EPHB1: variants seen among roughly 807,000 people sequenced by gnomAD.
EPHB1 encodes ephrin type-B receptor 1.
EPHB1 carries 30 observed loss-of-function variants against 94.4 expected under a neutral mutation model. The observed-to-expected ratio is 0.32, with a 90% CI of 0.24 to 0.43. The LOEUF is 0.43. EPHB1 is among the 20% of genes least tolerant of loss of function. The probability of loss-of-function intolerance (pLI) is 1.00; values close to 1 mark genes in which losing one functional copy is unlikely to be tolerated. For missense variants in EPHB1, 1,055 were observed against 1,308.3 expected (o/e 0.81, Z 2.99); for synonymous variants, 522 against 489.1 (o/e 1.07, Z -0.89).
intron 3 of EPHB1, among the ~76,000 whole-genome samples, chr3:135,055,954 C>T (rs1274966806): frequency 1.3e-5 from 2 of 152,156 alleles, no homozygotes; most frequent in Non-Finnish European, 2.9e-5. Flanking sequence ...TTTACCTGGG[C>T]TCTCTTCCAC....
At chr3:134,979,915 T>C (rs1934342268) in intron 3 of EPHB1, among the ~76,000 whole-genome samples, 1 of 152,180 alleles carries the variant, frequency 6.6e-6, no homozygotes, top group African/African-American at 2.4e-5. Context: ...TCAGTTTTTT[T>C]TGTTGTTGTT....
chr3:134,945,095 TC>T (rs2039191760), intron 2 of EPHB1, among the ~76,000 whole-genome samples: 1 of 152,236 alleles, frequency 6.6e-6, no homozygotes, highest in Non-Finnish European at 1.5e-5. Flanking sequence ...TGCCCAATTT[TC>T]TATCTTGTTA....
At chr3:134,935,176 A>G (rs1478176820) in intron 2 of EPHB1, among the ~76,000 whole-genome samples, 2 of 152,234 alleles carry the variant, frequency 1.3e-5, no homozygotes, top group Admixed American at 6.5e-5. Context: ...GAGGAGGGTC[A>G]GCATTGCCCT....
At chr3:135,052,890 A>AAAAAAATATAT (rs1553726757) in intron 3 of EPHB1, among the ~76,000 whole-genome samples, 2 of 54,620 alleles carry the variant, frequency 3.7e-5, no homozygotes, top group African/African-American at 1.1e-4. Context: ...AAAAAAAAAA[A>AAAAAAATATAT]ATATATATAT....
At chr3:135,053,568 C>T (rs1189023832) in intron 3 of EPHB1, among the ~76,000 whole-genome samples, 2 of 152,104 alleles carry the variant, frequency 1.3e-5, no homozygotes, top group Non-Finnish European at 2.9e-5. Flanking sequence ...CTTAGCATAT[C>T]AATAGTTGTT....
In EPHB1 at chr3:134,973,456, A is replaced by C. The variant is rs78212193; in HGVS notation, c.805+21404A>C. Among the ~76,000 whole-genome samples the C allele has an allele frequency of 3.5e-5, 4 of 112,860 alleles. No individual in the cohort carries two copies. The East Asian group carries it at 1.0e-3, about 29-fold the overall frequency. The allele number at this position is 112,860 out of a possible 152,430, so 74.0% of individuals were successfully genotyped here. ...TTTTTTTTTTTTTTTTTTGAGATAG[A>C]GTCTCACTCCCGTTGCTCAGGCTGG... On this transcript the variant is annotated intron_variant, in intron 3 of 15. Coordinates refer to ENST00000398015, the MANE Select transcript of EPHB1 (RefSeq NM_004441.5).
chr3:135,079,286 AC>A (rs930018142), intron 3 of EPHB1, among the ~76,000 whole-genome samples: 14 of 152,352 alleles, frequency 9.2e-5, no homozygotes, highest in Admixed American at 8.5e-4. Context: ...GCCTATGCCT[AC>A]ATCCAAATGG....
At chr3:134,846,882 A>G (rs748980227) in intron 1 of EPHB1, among the ~76,000 whole-genome samples, 30 of 152,138 alleles carry the variant, frequency 2.0e-4, no homozygotes, top group Non-Finnish European at 1.5e-4. Flanking sequence ...CAAGGCAAAA[A>G]CAAAAGAATC....
chr3:134,941,296 A>G (rs2039111612), intron 2 of EPHB1, among the ~76,000 whole-genome samples: 1 of 149,856 alleles, frequency 6.7e-6, no homozygotes, highest in Non-Finnish European at 1.5e-5. Flanking sequence ...GACCAGTAAT[A>G]TTATTTCTTA....
In EPHB1 at chr3:135,154,148, A is replaced by G. The variant is rs748101301; in HGVS notation, c.1298-4A>G. 11 of 1,613,786 alleles carry G rather than the reference A, an allele frequency of 6.8e-6. No homozygotes were observed. The South Asian group carries it at 1.2e-4, about 18-fold the overall frequency. On this transcript the variant is annotated splice_region_variant and splice_polypyrimidine_tract_variant and intron_variant, in intron 5 of 15. Transcript: ENST00000398015. Reference sequence around the variant, plus strand: ...AGCTACCCTGTTTCTTTCTCTCTCCACAGCCCCCTCCACCGTTCCCATCAT... The same window carrying G: ...AGCTACCCTGTTTCTTTCTCTCTCCGCAGCCCCCTCCACCGTTCCCATCAT...
intron 2 of EPHB1, among the ~76,000 whole-genome samples, chr3:134,935,926 C>A (rs763059584): frequency 1.6e-4 from 25 of 152,174 alleles, no homozygotes; most frequent in Non-Finnish European, 2.8e-4. Flanking sequence ...CTCACTGGGA[C>A]CCTGCAAGGA....
intron 2 of EPHB1, among the ~76,000 whole-genome samples, chr3:134,934,885 G>A (rs545100995): frequency 6.6e-6 from 1 of 152,262 alleles, no homozygotes; most frequent in South Asian, 2.1e-4. Flanking sequence ...ACAGACTCTG[G>A]GAGGGAATTC....
At chr3:135,130,021 G>A (rs1404578) in intron 4 of EPHB1, among the ~76,000 whole-genome samples, 151,935 of 152,308 alleles carry the variant, frequency 1, 75,782 homozygotes, top group Non-Finnish European at 1. Flanking sequence ...ATTTTGGATA[G>A]TCAGGAAGCA....
intron 1 of EPHB1, chr3:134,852,730 A>T (rs1472385870): frequency 6.6e-6 from 1 of 152,070 alleles, no homozygotes; most frequent in African/African-American, 2.4e-5. Flanking sequence ...ATACATACTT[A>T]TGCAACCTAA....
intron 1 of EPHB1, among the ~76,000 whole-genome samples, chr3:134,902,798 C>T (rs2038229869): frequency 6.6e-6 from 1 of 152,212 alleles, no homozygotes; most frequent in East Asian, 1.9e-4. Flanking sequence ...TGAGTGTCAG[C>T]AGCCTCAGGC....
chr3:135,054,227 A>C (rs974233801), intron 3 of EPHB1, among the ~76,000 whole-genome samples: 4 of 151,992 alleles, frequency 2.6e-5, no homozygotes, highest in Non-Finnish European at 4.4e-5. Flanking sequence ...CCAAAAAACA[A>C]AGTTTACCTC....
chr3:135,235,284 A>G (rs1559885336), intron 12 of EPHB1, among the ~76,000 whole-genome samples: 2 of 152,216 alleles, frequency 1.3e-5, no homozygotes, highest in East Asian at 1.9e-4. Context: ...GACAATTCCT[A>G]AAGCAATCCA....
chr3:135,004,214 A>T (rs1195689895), intron 3 of EPHB1, among the ~76,000 whole-genome samples: 1 of 150,468 alleles, frequency 6.6e-6, no homozygotes, highest in African/African-American at 2.4e-5. Flanking sequence ...TCCTTCACTT[A>T]TGAAGCTTAG....
intron 1 of EPHB1, among the ~76,000 whole-genome samples, chr3:134,808,102 A>T (rs1359542955): frequency 6.6e-6 from 1 of 152,216 alleles, no homozygotes; most frequent in East Asian, 1.9e-4. Context: ...ATCTGCAGGG[A>T]TGAATGGAGA....
Sources: allele counts gnomAD v4.1 joint callset (sites outside exome capture counted in the v4.1 genomes callset), GRCh38; gene constraint gnomAD v4.1.1; transcripts MANE v1.5; gene names NCBI Gene and HGNC (gene_info 2026-07-23, HGNC 2026-07-21).